Variants in SYTL5 observed in about 807,000 individuals in gnomAD.
The protein encoded by SYTL5 is synaptotagmin-like protein 5.
Under a neutral mutation model 55.9 loss-of-function variants are expected in SYTL5, and 34 were observed. That is an observed-to-expected ratio of 0.61 (90% confidence interval 0.46 to 0.81). The LOEUF is 0.81. Among genes scored for constraint, SYTL5 ranks in the 30% least tolerant of loss-of-function variants. SYTL5 has a pLI of 0.00. For synonymous variants in SYTL5, 221 were observed against 188.7 expected (o/e 1.17, Z -1.40); for missense variants, 637 against 546.7 (o/e 1.17, Z -1.65).
chrX:37,890,021 G>A, the SYTL5 span, among the ~76,000 whole-genome samples: 1 of 111,639 alleles, frequency 9.0e-6, no homozygotes, highest in East Asian at 2.8e-4. Context: ...AGCTGATAGA[G>A]CCAGTGCCCT....
chrX:38,023,542 A>C (rs998870809), intron 1 of SYTL5, among the ~76,000 whole-genome samples: 1 of 111,885 alleles, frequency 8.9e-6, no homozygotes, highest in Admixed American at 9.5e-5. Flanking sequence ...GCATATATCT[A>C]CTGCATTGTT....
intron 3 of SYTL5, among the ~76,000 whole-genome samples, chrX:38,058,341 T>C (rs1159458331): frequency 9.0e-6 from 1 of 111,460 alleles, no homozygotes; most frequent in African/African-American, 3.2e-5. Flanking sequence ...TTCTTATTTA[T>C]CCTTTTAGTT....
At chrX:38,026,301 T>C (rs1429507043) in intron 1 of SYTL5, among the ~76,000 whole-genome samples, 1 of 111,890 alleles carries the variant, frequency 8.9e-6, no homozygotes, top group Non-Finnish European at 1.9e-5. Flanking sequence ...ATCAACTGCA[T>C]TCTATCTTAC....
intron 2 of SYTL5, among the ~76,000 whole-genome samples, chrX:38,051,706 G>A (rs949611921): frequency 9.0e-6 from 1 of 111,278 alleles, no homozygotes; most frequent in Non-Finnish European, 1.9e-5. Context: ...GAAAAGTTAT[G>A]CTTCATTGCT....
intron 6 of SYTL5, among the ~76,000 whole-genome samples, chrX:38,082,492 C>T (rs1490664243): frequency 8.9e-6 from 1 of 112,275 alleles, no homozygotes; most frequent in Non-Finnish European, 1.9e-5. Context: ...CATTATTGAC[C>T]TAGTACTATA....
chrX:37,906,313 G>C, the SYTL5 span: 2 of 112,109 alleles, frequency 1.8e-5, no homozygotes, highest in Non-Finnish European at 3.8e-5. Flanking sequence ...TCTATGCTCA[G>C]ACCCCAGATA....
the SYTL5 span, among the ~76,000 whole-genome samples, chrX:37,952,293 G>C: frequency 2.7e-5 from 3 of 111,629 alleles, no homozygotes; most frequent in Admixed American, 2.9e-4. Flanking sequence ...GGTTTGTCTA[G>C]CCCTGGGTTT....
the SYTL5 span, among the ~76,000 whole-genome samples, chrX:37,892,402 A>G: frequency 9.6e-6 from 1 of 104,482 alleles, no homozygotes; most frequent in African/African-American, 3.4e-5. Flanking sequence ...GAATAATCCT[A>G]TTCAAGAAAG....
chrX:37,890,711 C>T, the SYTL5 span, among the ~76,000 whole-genome samples: 27 of 112,356 alleles, frequency 2.4e-4, no homozygotes, highest in African/African-American at 8.1e-4. Flanking sequence ...CATGCAAACA[C>T]ACTCCAGTTG....
At chrX:37,990,787 A>G in the SYTL5 span, 2 of 1,146,011 alleles carry the variant, frequency 1.7e-6, no homozygotes, top group Non-Finnish European at 1.2e-6. Context: ...TCAGAGACCT[A>G]CTTGAGCTAG....
the SYTL5 span, among the ~76,000 whole-genome samples, chrX:37,894,452 A>G: frequency 8.9e-6 from 1 of 111,783 alleles, no homozygotes; most frequent in Admixed American, 9.5e-5. Context: ...TATATTTTTT[A>G]AATAAGATGA....
chrX:37,987,040 C>A, the SYTL5 span, among the ~76,000 whole-genome samples: 1 of 111,008 alleles, frequency 9.0e-6, no homozygotes, highest in African/African-American at 3.3e-5. Flanking sequence ...TTAAAACATG[C>A]CAAATACTTT....
intron 14 of SYTL5, 83 bp from the exon 15 acceptor site, chrX:38,121,997 T>C (rs1937576012): frequency 1.1e-6 from 1 of 927,612 alleles, no homozygotes; most frequent in Non-Finnish European, 1.4e-6. Context: ...AGATGATCTT[T>C]GTAAATTTTG....
At chrX:37,972,126 A>G in the SYTL5 span, among the ~76,000 whole-genome samples, 19 of 110,391 alleles carry the variant, frequency 1.7e-4, 1 homozygote, top group South Asian at 7.7e-3. Flanking sequence ...AGACACTCCC[A>G]TGAGGCTCCC....
chrX:38,077,988 A>C (rs1204535561), intron 6 of SYTL5, among the ~76,000 whole-genome samples: 2 of 111,655 alleles, frequency 1.8e-5, no homozygotes, highest in Non-Finnish European at 3.8e-5. Flanking sequence ...AGCTATGATC[A>C]TGCCACTGCA....
At chrX:38,101,813 AAAT>A (rs1191536598) in intron 9 of SYTL5, among the ~76,000 whole-genome samples, 17 of 92,991 alleles carry the variant, frequency 1.8e-4, no homozygotes, top group African/African-American at 7.6e-4. Context: ...TACATCACTT[AAAT>A]AACTAGGCAA....
intron 6 of SYTL5, among the ~76,000 whole-genome samples, chrX:38,082,626 G>A (rs775123353): frequency 1.8e-5 from 2 of 112,322 alleles, no homozygotes; most frequent in Non-Finnish European, 3.8e-5. Flanking sequence ...ATAGTAATAC[G>A]ATTTTAAAAA....
chrX:38,057,085 G>A (rs974405013), intron 3 of SYTL5, among the ~76,000 whole-genome samples: 13 of 111,588 alleles, frequency 1.2e-4, no homozygotes, highest in African/African-American at 3.6e-4. Context: ...ATTTTTCTGC[G>A]AAGTTTTCTT....
upstream of SYTL5, among the ~76,000 whole-genome samples, chrX:38,002,982 A>G (rs1295131973): frequency 2.7e-5 from 3 of 111,585 alleles, no homozygotes; most frequent in Non-Finnish European, 5.6e-5. Context: ...TTTTTCTTCT[A>G]GGGTTTTTAT....
Sources: allele counts gnomAD v4.1 joint callset (sites outside exome capture counted in the v4.1 genomes callset), GRCh38; gene constraint gnomAD v4.1.1; transcripts MANE v1.5; gene names NCBI Gene and HGNC (gene_info 2026-07-23, HGNC 2026-07-21).